Variants in B3GLCT observed in about 807,000 individuals in gnomAD.
B3GLCT encodes the protein beta 3-glucosyltransferase, also known as beta-1,3-glucosyltransferase.
B3GLCT carries 65 observed loss-of-function variants against 63.4 expected under a neutral mutation model. The observed-to-expected ratio is 1.03, with a 90% CI of 0.84 to 1.26. The LOEUF (loss-of-function observed/expected upper bound fraction) is 1.26, where lower values mean the gene tolerates loss of function less well. Ranked by LOEUF, B3GLCT falls within the 50% of genes most tolerant of loss-of-function variation. B3GLCT has a pLI of 0.00. For synonymous variants in B3GLCT, 233 were observed against 219.2 expected (o/e 1.06, Z -0.55); for missense variants, 577 against 604.8 (o/e 0.95, Z 0.48).
At chr13:31,211,359 G>A (rs1287326441) in intron 1 of B3GLCT, among the ~76,000 whole-genome samples, 3 of 152,154 alleles carry the variant, frequency 2.0e-5, no homozygotes, top group South Asian at 2.1e-4. Flanking sequence ...TAGTGCCACT[G>A]CACTCCACTC....
chr13:31,327,504 A>G (rs1474937140), intron 14 of B3GLCT, among the ~76,000 whole-genome samples: 2 of 152,226 alleles, frequency 1.3e-5, no homozygotes, highest in Non-Finnish European at 2.9e-5. Flanking sequence ...GGAATTTTCC[A>G]TTTAATATTT....
At chr13:31,250,929 C>T (rs998754881) in intron 6 of B3GLCT, among the ~76,000 whole-genome samples, 5 of 152,182 alleles carry the variant, frequency 3.3e-5, no homozygotes, top group African/African-American at 1.2e-4. Context: ...GAGACACCTC[C>T]CAGTAGGGGC....
intron 6 of B3GLCT, among the ~76,000 whole-genome samples, chr13:31,256,742 G>T (rs774454786): frequency 6.6e-6 from 1 of 152,142 alleles, no homozygotes; most frequent in Admixed American, 6.5e-5. Context: ...TGGACACAGG[G>T]AGGGGAACAT....
chr13:31,219,073 G>A (rs1027372172), intron 2 of B3GLCT, among the ~76,000 whole-genome samples: 1 of 152,044 alleles, frequency 6.6e-6, no homozygotes, highest in African/African-American at 2.4e-5. Flanking sequence ...TGAGGAAGAG[G>A]GACTGCTCCC....
chr13:31,241,937 G>A (rs1870969516), intron 4 of B3GLCT, among the ~76,000 whole-genome samples: 2 of 152,158 alleles, frequency 1.3e-5, no homozygotes, highest in Non-Finnish European at 2.9e-5. Context: ...AGTTGGAAAC[G>A]ACAGTAGTTA....
intron 3 of B3GLCT, among the ~76,000 whole-genome samples, chr13:31,225,651 T>C (rs891692443): frequency 6.6e-6 from 1 of 152,170 alleles, no homozygotes; most frequent in African/African-American, 2.4e-5. Context: ...AATACCCCCA[T>C]GCGTCCTGTT....
chr13:31,297,205 G>A (rs2137900041), intron 12 of B3GLCT, among the ~76,000 whole-genome samples: 1 of 151,978 alleles, frequency 6.6e-6, no homozygotes, highest in East Asian at 1.9e-4. Context: ...CATCAACATG[G>A]GGTTGTGGGT....
chr13:31,246,645 CT>C (rs1239702132), intron 4 of B3GLCT, among the ~76,000 whole-genome samples: 1 of 148,742 alleles, frequency 6.7e-6, no homozygotes. Context: ...TAAAAAACTG[CT>C]TCTGTGCCTC....
chr13:31,329,362 G>T, intron 14 of B3GLCT, 139 bp from the exon 15 acceptor site: 1 of 934,744 alleles, frequency 1.1e-6, no homozygotes, highest in Non-Finnish European at 1.7e-6. Context: ...TCAGAAAATA[G>T]TTTCCTTTTT....
intron 4 of B3GLCT, among the ~76,000 whole-genome samples, chr13:31,243,053 TA>T (rs1377971733): frequency 6.6e-6 from 1 of 152,244 alleles, no homozygotes; most frequent in Admixed American, 6.5e-5. Context: ...GAAGAAATTG[TA>T]ACAATAAACA....
chr13:31,250,154 TG>T (rs1270690079), intron 6 of B3GLCT, among the ~76,000 whole-genome samples: 1 of 152,172 alleles, frequency 6.6e-6, no homozygotes, highest in Non-Finnish European at 1.5e-5. Flanking sequence ...TTATGAGGTG[TG>T]TTGACTTTAA....
intron 13 of B3GLCT, among the ~76,000 whole-genome samples, chr13:31,322,862 A>G (rs997519670): frequency 7.2e-5 from 11 of 152,148 alleles, no homozygotes; most frequent in Admixed American, 1.3e-4. Flanking sequence ...CTTGAGCCCA[A>G]CGTGGCCGAT....
chr13:31,313,631 A>G (rs1454745172), intron 12 of B3GLCT, among the ~76,000 whole-genome samples: 2 of 152,240 alleles, frequency 1.3e-5, no homozygotes, highest in Non-Finnish European at 2.9e-5. Flanking sequence ...CAAGGGAAGC[A>G]GAGCATAAAA....
chr13:31,275,358 TA>T (rs1320797706), intron 9 of B3GLCT, among the ~76,000 whole-genome samples: 3 of 152,230 alleles, frequency 2.0e-5, no homozygotes, highest in Non-Finnish European at 4.4e-5. Flanking sequence ...GGCTCCCCTT[TA>T]CTCCAGAGCC....
intron 7 of B3GLCT, among the ~76,000 whole-genome samples, chr13:31,266,068 C>T (rs973048563): frequency 3.9e-5 from 6 of 152,022 alleles, no homozygotes; most frequent in South Asian, 4.2e-4. Flanking sequence ...GGCGCAGTCT[C>T]GCTCACTGCA....
chr13:31,208,318 T>C (rs1285442077), intron 1 of B3GLCT, among the ~76,000 whole-genome samples: 1 of 152,130 alleles, frequency 6.6e-6, no homozygotes, highest in African/African-American at 2.4e-5. Context: ...GTTTTGTCCT[T>C]AAATGTTGCA....
At chr13:31,241,898 T>G (rs1165917994) in intron 4 of B3GLCT, among the ~76,000 whole-genome samples, 2 of 152,268 alleles carry the variant, frequency 1.3e-5, no homozygotes, top group South Asian at 4.1e-4. Context: ...AGACATCTAG[T>G]TTATGGGCCC....
At chr13:31,249,930 T>TA (rs1871354406) in intron 6 of B3GLCT, among the ~76,000 whole-genome samples, 1 of 152,248 alleles carries the variant, frequency 6.6e-6, no homozygotes, top group Non-Finnish European at 1.5e-5. Context: ...TGTGAGGGTA[T>TA]AAGGTATTTT....
At chr13:31,200,281 C>G in intron 1 of B3GLCT, 127 bp downstream of exon 1, 2 of 389,434 alleles carry the variant, frequency 5.1e-6, no homozygotes, top group Non-Finnish European at 7.0e-6. Context: ...GCGCGCGCGT[C>G]CCGCCGTCCG....
Sources: allele counts gnomAD v4.1 joint callset (sites outside exome capture counted in the v4.1 genomes callset), GRCh38; gene constraint gnomAD v4.1.1; transcripts MANE v1.5; gene names NCBI Gene and HGNC (gene_info 2026-07-23, HGNC 2026-07-21).